The following CENPF variants were observed in gnomAD, a reference collection of about 807,000 sequenced individuals.
CENPF encodes AH antigen.
Under a neutral mutation model 307.3 loss-of-function variants are expected in CENPF, and 214 were observed. The ratio of observed to expected loss-of-function variants is 0.70; its 90% CI spans 0.62 to 0.78. The LOEUF (loss-of-function observed/expected upper bound fraction) is 0.78, where lower values mean the gene tolerates loss of function less well. CENPF is among the 30% of genes least tolerant of loss of function. CENPF has a pLI of 0.00. For synonymous variants in CENPF, 1,259 were observed against 1,270.6 expected (o/e 0.99, Z 0.19); for missense variants, 3,401 against 3,483.9 (o/e 0.98, Z 0.60).
rs1308202005 is a variant in CENPF, at chr1:214,648,815, A to G, written c.7971A>G (p.Ile2657Met). 7 of 1,613,338 alleles carry G rather than the reference A, an allele frequency of 4.3e-6. No homozygotes were observed. The highest frequency in any genetic ancestry group is 5.1e-6 in the Non-Finnish European group (6 of 1,179,690). The change falls in exon 14 of 20, where the codon ATA becomes ATG. Residue 2657 changes from isoleucine to methionine, a missense_variant. Ile to Met is a conservative substitution (Grantham distance 10). Transcript: ENST00000366955. Reference sequence around the variant, plus strand: ...AGTTGCAGTTACTGTTGGAAGAAATAAAGAGCAGCAAAGTAAGTTTCTTTG... The same window carrying G: ...AGTTGCAGTTACTGTTGGAAGAAATGAAGAGCAGCAAAGTAAGTTTCTTTG... Reference protein sequence around the residue: ...AGELQLLLEEIKSSKDQLKEL... With the variant: ...AGELQLLLEEMKSSKDQLKEL...
At chr1:214,605,815 C>T (rs948943572) in intron 1 of CENPF, 3 of 1,592,416 alleles carry the variant, frequency 1.9e-6, no homozygotes, top group South Asian at 2.2e-5. Flanking sequence ...CGTAGAGCGC[C>T]AGCCCGTGCG....
rs745632367 is a variant in CENPF at position 214,657,298 on chromosome 1, G to T, written c.8851G>T (p.Glu2951Ter). 1 of 1,613,936 alleles carries T rather than the reference G, an allele frequency of 6.2e-7. No homozygotes were observed. The highest frequency in any genetic ancestry group is 8.5e-7 in the Non-Finnish European group (1 of 1,180,000). Residue 2951 changes from glutamate to a stop codon, truncating the protein, a stop_gained, in exon 18 of 20, where the codon GAG becomes TAG. Coordinates refer to ENST00000366955, the MANE Select transcript of CENPF (RefSeq NM_016343.4). LOFTEE classifies it high-confidence loss of function. ...TAGAGGACCAACACCTGCTACCCCA[G>T]AGAGCTTTTCTAAAAAAAGCAAGAA... is the stretch of plus-strand genomic sequence containing the variant. ...NGRGPTPATP[E>*]SFSKKSKKAV...
At position 214,619,199 on chromosome 1, in the gene CENPF, G is replaced by A; in HGVS notation, c.552G>A (p.Glu184=). Residue 184 remains glutamate, a synonymous_variant, in exon 5 of 20, where the codon GAG becomes GAA. Transcript: ENST00000366955. Reference sequence around the variant, plus strand: ...AAGAACGAAAAAGATTAGAGGCAGAGGTTAAAGCCTTGCAGGCTAAAGTAA... The same window carrying A: ...AAGAACGAAAAAGATTAGAGGCAGAAGTTAAAGCCTTGCAGGCTAAAGTAA... ...EVEERKRLEA[E]VKALQAKKAS... The A allele has an allele frequency of 6.3e-7, 1 of 1,578,438 alleles. No individual in the cohort carries two copies. The highest frequency in any genetic ancestry group is 8.7e-7 in the Non-Finnish European group (1 of 1,151,828).
In CENPF at chr1:214,643,107, C is replaced by T. The variant is rs776330662; in HGVS notation, c.4769C>T (p.Ser1590Phe). ...EIQELEQLLS[S>F]ERQELDCLRK... is the part of the protein sequence containing the mutation. ...CAAGAGCTCGAGCAGTTATTAAGTT[C>T]TGAAAGGCAAGAGCTTGACTGCCTT... The change falls in exon 12 of 20, where the codon TCT becomes TTT. Residue 1590 changes from serine to phenylalanine, a missense_variant. Physicochemically the swap from Ser to Phe is radical, Grantham distance 155. Coordinates refer to ENST00000366955, the MANE Select transcript of CENPF (RefSeq NM_016343.4). The T allele has an allele frequency of 4.4e-6, 7 of 1,603,768 alleles. No homozygotes were observed.
chr1:214,623,248 T>C lies in CENPF; in HGVS notation c.1068+967T>C, dbSNP rs553030830. Among the ~76,000 whole-genome samples the C allele has an allele frequency of 2.4e-4, 37 of 152,292 alleles. No individual in the cohort carries two copies. The South Asian group carries it at 7.3e-3, about 30-fold the overall frequency. On this transcript the variant is annotated intron_variant, in intron 7 of 19. Transcript: ENST00000366955. The stretch of plus-strand genomic sequence containing the variant: ...TGTCTGTACTGATCATATACAGACC[T>C]TTTTTTCCTTGTCATTATTTCCTAA...
At chr1:214,634,578 A>T (rs546421193) in intron 10 of CENPF, among the ~76,000 whole-genome samples, 1 of 152,314 alleles carries the variant, frequency 6.6e-6, no homozygotes. Context: ...TAAATATTGT[A>T]TGTAAAGTGC....
intron 7 of CENPF, among the ~76,000 whole-genome samples, chr1:214,626,318 A>G (rs1657654044): frequency 1.3e-5 from 2 of 151,906 alleles, no homozygotes; most frequent in Admixed American, 6.6e-5. Flanking sequence ...CCACCTTTCA[A>G]ACTTGTTTGT....
In CENPF at chr1:214,646,121, T is replaced by C. The variant is rs770701600; in HGVS notation, c.6551T>C (p.Val2184Ala). Residue 2184 changes from valine (V) to alanine (A), a missense_variant, in exon 13 of 20, where the codon GTA (valine) becomes GCA (alanine). Val to Ala is a moderately conservative substitution (Grantham distance 64, BLOSUM62 0). Coordinates refer to ENST00000366955, the MANE Select transcript of CENPF (RefSeq NM_016343.4). Reference protein sequence around the residue: ...ILDAENSKAEVETLKTQIEEM... With the variant: ...ILDAENSKAEAETLKTQIEEM... ...GATGCCGAGAATTCCAAAGCAGAAG[T>C]AGAGACTCTAAAAACACAAATAGAA... 3.1e-6 allele frequency: 5 copies of C among 1,613,778 alleles called. No individual in the cohort carries two copies. Among genetic ancestry groups the C allele is most frequent in the Non-Finnish European group, 8.5e-7 (1 of 1,180,010 alleles).
In CENPF at chr1:214,640,926, T is replaced by C. The variant is rs375479551; in HGVS notation, c.2588T>C (p.Ile863Thr). ...CEELVQIKGEIEENLMKAEQM... is the reference protein window; with the variant it reads ...CEELVQIKGETEENLMKAEQM... Reference sequence around the variant, plus strand: ...GAGTTGGTGCAAATCAAAGGAGAAATAGAAGAAAATCTCATGAAAGCAGAA... The same window carrying C: ...GAGTTGGTGCAAATCAAAGGAGAAACAGAAGAAAATCTCATGAAAGCAGAA... Residue 863 changes from isoleucine (I) to threonine (T), a missense_variant, in exon 12 of 20, where the codon ATA becomes ACA. Ile to Thr is a moderately conservative substitution (Grantham distance 89). Transcript: ENST00000366955. 15 of 1,608,570 alleles carry C rather than the reference T, an allele frequency of 9.3e-6. No homozygotes were observed. Among genetic ancestry groups the C allele is most frequent in the Admixed American group, 1.7e-5 (1 of 58,564 alleles).
In CENPF at chr1:214,605,593, C is replaced by T. The variant is rs1341334975; in HGVS notation, c.-42+2272C>T. On this transcript the variant is annotated intron_variant, in intron 1 of 19. Transcript: ENST00000366955. ...GGGTCCCCTGGGCCGCCCGGGGGTC[C>T]ACATGCAGCCCCTGGGGGGCCGGCG... 2.4e-6 allele frequency: 3 copies of T among 1,232,300 alleles called. No homozygotes were observed. In the Admixed American group the frequency reaches 6.4e-5, roughly 26 times the overall value. 76.3% of individuals were successfully genotyped at this position (1,232,300 alleles called of 1,614,324 possible).
chr1:214,636,221 A>G lies in CENPF; in HGVS notation c.1447-1645A>G, dbSNP rs116552829. On this transcript the variant is annotated intron_variant, in intron 10 of 19. Coordinates refer to ENST00000366955, the MANE Select transcript of CENPF (RefSeq NM_016343.4). ...TTTGTCCTTTCACATCTGTGATCTC[A>G]TTTGAGGGGTGATTATTCTGAGTCT... Among the ~76,000 whole-genome samples the G allele has an allele frequency of 8.2e-3, 1,244 of 152,240 alleles. 19 individuals are homozygous for G. The highest frequency in any genetic ancestry group is 0.029 in the African/African-American group (1,191 of 41,524).
In CENPF at chr1:214,655,287, G is replaced by T. The variant is rs369765741; in HGVS notation, c.8369G>T (p.Arg2790Leu). The T allele has an allele frequency of 6.2e-7, 1 of 1,606,368 alleles. No individual in the cohort carries two copies. Among genetic ancestry groups the T allele is most frequent in the Admixed American group, 1.7e-5 (1 of 59,220 alleles). Reference protein sequence around the residue: ...YVNQLKKENERAQGKMKLLIK... With the variant: ...YVNQLKKENELAQGKMKLLIK... ...AATCAGTTGAAGAAGGAAAATGAAC[G>T]TGCCCAGGGGAAAATGAAGTTGTTG... Residue 2790 changes from arginine (R) to leucine (L), a missense_variant, in exon 17 of 20, where the codon CGT becomes CTT. Physicochemically the swap from Arg to Leu is moderately radical, Grantham distance 102. Transcript: ENST00000366955.
At chr1:214,660,462 A>G (rs1307409279) in intron 19 of CENPF, among the ~76,000 whole-genome samples, 1 of 152,228 alleles carries the variant, frequency 6.6e-6, no homozygotes, top group Non-Finnish European at 1.5e-5. Flanking sequence ...GAATATACTG[A>G]CTTTCCAATG....
chr1:214,664,372 A>T lies in CENPF; in HGVS notation c.*578A>T, dbSNP rs1280043784. The T allele has an allele frequency of 6.5e-6, 1 of 152,796 alleles. No individual in the cohort carries two copies. The highest frequency in any genetic ancestry group is 1.5e-5 in the Non-Finnish European group (1 of 68,552). The allele number at this position is 152,796 out of a possible 1,614,324, so 9.5% of individuals were successfully genotyped here. Reference sequence around the variant, plus strand: ...ATCTTTGCTTATGAAACCTGTACATATGTGTGTGTGGGTATGTGTTTATTT... The same window carrying T: ...ATCTTTGCTTATGAAACCTGTACATTTGTGTGTGTGGGTATGTGTTTATTT... On this transcript the variant is annotated 3_prime_UTR_variant, in exon 20 of 20. Coordinates refer to ENST00000366955, the MANE Select transcript of CENPF (RefSeq NM_016343.4).
At chr1:214,622,000 A>G (rs1657518229) in intron 6 of CENPF, 79 bp from the exon 7 acceptor site, 2 of 1,144,496 alleles carry the variant, frequency 1.7e-6, no homozygotes, top group Middle Eastern at 2.0e-4. Context: ...TTCAGAAAAG[A>G]ATAAAACAAA....
At position 214,645,303 on chromosome 1, in the gene CENPF, A is replaced by G; in HGVS notation, c.5733A>G (p.Lys1911=). The change falls in exon 13 of 20, where the codon AAA becomes AAG. Residue 1911 remains lysine, a synonymous_variant. Transcript: ENST00000366955. ...AGCTGAGTAGGATCAGATCGGAGAA[A>G]GCTAGCATTGAGCATGAAGCCCTCT... ...ENELSRIRSE[K]ASIEHEALYL... 1 of 1,614,112 alleles carries G rather than the reference A, an allele frequency of 6.2e-7. No individual in the cohort carries two copies. Among genetic ancestry groups the G allele is most frequent in the Non-Finnish European group, 8.5e-7 (1 of 1,179,996 alleles).
intron 15 of CENPF, among the ~76,000 whole-genome samples, chr1:214,652,253 T>A (rs1335674747): frequency 6.6e-6 from 1 of 150,682 alleles, no homozygotes; most frequent in Non-Finnish European, 1.5e-5. Flanking sequence ...GCCAGGATGG[T>A]CTCGATCTCC....
At chr1:214,628,918 C>A in intron 7 of CENPF, 128 bp from the exon 8 acceptor site, 1 of 661,858 alleles carries the variant, frequency 1.5e-6, no homozygotes, top group Non-Finnish European at 2.4e-6. Flanking sequence ...GCTTTACATC[C>A]TTGCTAATAG....
chr1:214,630,811 A>C (rs1362618658), intron 9 of CENPF, 149 bp downstream of exon 9: 2 of 1,036,730 alleles, frequency 1.9e-6, no homozygotes, highest in Non-Finnish European at 2.7e-6. Flanking sequence ...GTACAGAACC[A>C]TTCTGGCTCT....
Sources: allele counts gnomAD v4.1 joint callset (sites outside exome capture counted in the v4.1 genomes callset), GRCh38; gene constraint gnomAD v4.1.1; transcripts MANE v1.5; gene names NCBI Gene and HGNC (gene_info 2026-07-23, HGNC 2026-07-21).